NBPF11: variants seen among roughly 807,000 people sequenced by gnomAD.
NBPF11 encodes NBPF member 11.
A neutral mutation model predicts 93.9 loss-of-function variants in NBPF11; 72 were observed. The ratio of observed to expected loss-of-function variants is 0.77; its 90% confidence interval spans 0.63 to 0.93. The LOEUF is 0.93. Among genes scored for constraint, NBPF11 ranks in the 40% least tolerant of loss-of-function variants. The pLI, the probability that NBPF11 is intolerant of heterozygous loss-of-function variation, is 0.00. For missense variants in NBPF11, 705 were observed against 802.2 expected, an observed-to-expected ratio of 0.88 and a Z score of 1.46; for synonymous variants, 224 against 304.9, an observed-to-expected ratio of 0.73 and a Z score of 2.76.
chr1:148,149,072 G>T, intron 1 of NBPF11: 3 of 1,134,814 alleles, frequency 2.6e-6, no homozygotes, highest in Non-Finnish European at 3.7e-6. Context: ...CTGGAGGGTC[G>T]CATCCGGAGC....
chr1:148,105,197 G>T (rs3926869), intron 22 of NBPF11, among the ~76,000 whole-genome samples, 163 bp downstream of exon 22: 1 of 131,570 alleles, frequency 7.6e-6, no homozygotes, highest in African/African-American at 3.3e-5. Context: ...CCCATGTCTG[G>T]GCTTCCAGGT....
chr1:148,117,937 AAGAAT>A, intron 11 of NBPF11, 151 bp from the exon 12 acceptor site: 1 of 603,758 alleles, frequency 1.7e-6, no homozygotes, highest in Non-Finnish European at 3.0e-6. Flanking sequence ...GGCCAAGAGA[AAGAAT>A]AGAAAATGGT....
intron 1 of NBPF11, chr1:148,149,552 A>T: frequency 6.3e-7 from 1 of 1,594,300 alleles, no homozygotes; most frequent in Non-Finnish European, 8.5e-7. Context: ...GGAGCTGCCC[A>T]GCCAGCGCGC....
At chr1:148,144,613 T>C (rs1672716089) in intron 1 of NBPF11, among the ~76,000 whole-genome samples, 1 of 151,978 alleles carries the variant, frequency 6.6e-6, no homozygotes, top group Non-Finnish European at 1.5e-5. Flanking sequence ...ATGAATACTA[T>C]ATTTACAAAT....
chr1:148,140,717 T>C (rs1672033012), intron 2 of NBPF11, among the ~76,000 whole-genome samples: 2 of 151,886 alleles, frequency 1.3e-5, no homozygotes, highest in Non-Finnish European at 2.9e-5. Flanking sequence ...CATAAACCTA[T>C]CAGAATGGCT....
intron 1 of NBPF11, chr1:148,149,549 C>G: frequency 6.3e-7 from 1 of 1,594,164 alleles, no homozygotes; most frequent in African/African-American, 1.3e-5. Context: ...CCAGGAGCTG[C>G]CCAGCCAGCG....
intron 23 of NBPF11, 35 bp from the exon 24 acceptor site, chr1:148,103,947 G>A (rs1250416642): frequency 1.1e-5 from 18 of 1,610,288 alleles, no homozygotes; most frequent in Non-Finnish European, 1.4e-5. Context: ...AAGCAGCCAG[G>A]GAAAATCAGA....
chr1:148,129,383 G>C (rs1191846798), intron 4 of NBPF11: 2 of 150,824 alleles, frequency 1.3e-5, no homozygotes, highest in African/African-American at 4.9e-5. Flanking sequence ...TCGTGGCGAG[G>C]AGGACAGCAC....
chr1:148,129,160 T>C (rs2404375), intron 4 of NBPF11, among the ~76,000 whole-genome samples: 3 of 146,076 alleles, frequency 2.1e-5, no homozygotes, highest in Admixed American at 1.4e-4. Context: ...ATATATTATA[T>C]ATATATACAC....
At chr1:148,126,803 C>A (rs1553273178) in intron 5 of NBPF11, 26 bp downstream of exon 5, 32 of 1,599,698 alleles carry the variant, frequency 2.0e-5, no homozygotes, top group Non-Finnish European at 2.7e-5. Flanking sequence ...TCATCACTTT[C>A]ATGATGGTGA....
Position 148,118,604 on chromosome 1 carries a change from C to A in NBPF11, c.1091+16G>T, listed in dbSNP as rs1173286753. ...ACACACCTGCCCCCCTGCCTGCCCC[C>A]ATGGGGTCCCCTCACCTGAGCTCCT... is the stretch of plus-strand genomic sequence containing the variant. On this transcript the variant is annotated intron_variant, in intron 11 of 23. Coordinates refer to ENST00000682118, the MANE Select transcript of NBPF11 (RefSeq NM_001385469.3). 1 of 1,605,056 alleles carries A rather than the reference C, an allele frequency of 6.2e-7. No homozygotes were observed. The highest frequency in any genetic ancestry group is 8.5e-7 in the Non-Finnish European group (1 of 1,173,516).
At chr1:148,124,317 T>C (rs1668577287) in intron 6 of NBPF11, among the ~76,000 whole-genome samples, 1 of 151,568 alleles carries the variant, frequency 6.6e-6, no homozygotes, top group Non-Finnish European at 1.5e-5. Flanking sequence ...TAAATAAAAG[T>C]AGGTGTCTTC....
rs1553272720 is a variant in NBPF11 at position 148,124,963 on chromosome 1, T to G, written c.214A>C (p.Arg72=). ...ECKDLIKFML[R]NERQFKEEKL... is the part of the protein sequence containing the mutation. Reference sequence around the variant, plus strand: ...TCCTCCTTGAACTGTCGCTCATTCCTCAGCATAAATTTTATGAGGTCTTTA... The same window carrying G: ...TCCTCCTTGAACTGTCGCTCATTCCGCAGCATAAATTTTATGAGGTCTTTA... Residue 72 remains arginine (R), a synonymous_variant, in exon 6 of 24, where the codon AGG becomes CGG. Coordinates refer to ENST00000682118, the MANE Select transcript of NBPF11 (RefSeq NM_001385469.3). 5 of 1,608,050 alleles carry G rather than the reference T, an allele frequency of 3.1e-6. No individual in the cohort carries two copies. The highest frequency in any genetic ancestry group is 2.2e-4 in the Middle Eastern group (1 of 4,558).
intron 6 of NBPF11, among the ~76,000 whole-genome samples, chr1:148,124,540 A>C (rs1553272412): frequency 1.6e-3 from 246 of 151,370 alleles, no homozygotes; most frequent in Middle Eastern, 3.4e-3. Context: ...GAATGAGAAG[A>C]CGCAGTCAGT....
At chr1:148,127,768 A>C (rs1319493954) in intron 4 of NBPF11, among the ~76,000 whole-genome samples, 2 of 146,440 alleles carry the variant, frequency 1.4e-5, no homozygotes, top group Admixed American at 1.4e-4. Flanking sequence ...TCAGACTCCC[A>C]AGTAGCTGGG....
At chr1:148,132,942 G>T in intron 4 of NBPF11, among the ~76,000 whole-genome samples, 1 of 144,122 alleles carries the variant, frequency 6.9e-6, no homozygotes, top group Admixed American at 6.9e-5. Context: ...AGTAGAGATG[G>T]GGTTTCACTG....
intron 9 of NBPF11, among the ~76,000 whole-genome samples, chr1:148,121,416 C>T (rs1439984042): frequency 1.3e-5 from 2 of 148,982 alleles, no homozygotes; most frequent in South Asian, 2.1e-4. Flanking sequence ...GCCACAGTCT[C>T]GGCTCACTGC....
chr1:148,103,895 A>T lies in NBPF11; in HGVS notation c.*1T>A. 1 of 1,611,062 alleles carries T rather than the reference A, an allele frequency of 6.2e-7. No individual in the cohort carries two copies. The highest frequency in any genetic ancestry group is 1.3e-5 in the African/African-American group (1 of 74,758). ...TAAGACTTCAGGCACTTCCACTTCCATCAGCACGCTGCTGAGCCTGGAAAA... is the reference window on the plus strand; with the variant it reads ...TAAGACTTCAGGCACTTCCACTTCCTTCAGCACGCTGCTGAGCCTGGAAAA... On this transcript the variant is annotated 3_prime_UTR_variant, in exon 24 of 24. Transcript: ENST00000682118.
chr1:148,129,026 A>G lies in NBPF11; in HGVS notation c.-35-1988T>C, dbSNP rs1312448169. Among the ~76,000 whole-genome samples the G allele has an allele frequency of 4.7e-5, 7 of 148,582 alleles. No homozygotes were observed. In the South Asian group the frequency reaches 1.0e-3, roughly 22 times the overall value. ...GGGTGAGGGCTGGGGGAGGGATAGC[A>G]TTAGGATATATACCTGGTGTAAATG... On this transcript the variant is annotated intron_variant, in intron 4 of 23. Coordinates refer to ENST00000682118, the MANE Select transcript of NBPF11 (RefSeq NM_001385469.3).
Sources: allele counts gnomAD v4.1 joint callset (sites outside exome capture counted in the v4.1 genomes callset), GRCh38; gene constraint gnomAD v4.1.1; transcripts MANE v1.5; gene names NCBI Gene and HGNC (gene_info 2026-07-23, HGNC 2026-07-21).